Variants in MGAT5 observed in about 807,000 individuals in gnomAD.
The protein encoded by MGAT5 is alpha-1,6-mannosylglycoprotein 6-beta-N-acetylglucosaminyltransferase.
A neutral mutation model predicts 94.3 loss-of-function variants in MGAT5; 30 were observed. The ratio of observed to expected loss-of-function variants is 0.32; its 90% CI spans 0.24 to 0.43. MGAT5 has a LOEUF of 0.43. Among genes scored for constraint, MGAT5 ranks in the 20% least tolerant of loss-of-function variants. The pLI, the probability that MGAT5 is intolerant of heterozygous loss-of-function variation, is 1.00. For missense variants in MGAT5, 691 were observed against 905.5 expected (o/e 0.76, Z 3.04); for synonymous variants, 310 against 322.9 (o/e 0.96, Z 0.43).
At chr2:134,327,640 TG>T (rs1216530396) in intron 4 of MGAT5, among the ~76,000 whole-genome samples, 1 of 152,158 alleles carries the variant, frequency 6.6e-6, no homozygotes, top group Non-Finnish European at 1.5e-5. Flanking sequence ...TGTTTATTTC[TG>T]GAATTTTTTA....
chr2:134,377,555 A>G lies in MGAT5; in HGVS notation c.1380+15147A>G, dbSNP rs551932072. On this transcript the variant is annotated intron_variant, in intron 10 of 15. Coordinates refer to ENST00000281923, the MANE Select transcript of MGAT5 (RefSeq NM_002410.5). ...GAGTACATGATTCTAGTAACAAGGT[A>G]GAAAGGAAGAAAAATAAGTTTTATG... Among the ~76,000 whole-genome samples the G allele has an allele frequency of 3.3e-5, 5 of 152,354 alleles. No homozygotes were observed. In the South Asian group the frequency reaches 6.2e-4, roughly 19 times the overall value.
At chr2:134,441,941 G>T (rs759991008) in intron 15 of MGAT5, 26 bp downstream of exon 15, 3 of 1,606,024 alleles carry the variant, frequency 1.9e-6, no homozygotes, top group Non-Finnish European at 2.6e-6. Context: ...TGGGGGTGGG[G>T]ACTCAGCCCC....
At chr2:134,274,066 A>G (rs1684195508) in intron 2 of MGAT5, among the ~76,000 whole-genome samples, 2 of 152,160 alleles carry the variant, frequency 1.3e-5, no homozygotes, top group African/African-American at 4.8e-5. Flanking sequence ...AGCGAATAGG[A>G]TTGGATCTGT....
intron 10 of MGAT5, among the ~76,000 whole-genome samples, chr2:134,369,445 G>A (rs1680642830): frequency 6.6e-6 from 1 of 152,176 alleles, no homozygotes; most frequent in African/African-American, 2.4e-5. Flanking sequence ...GCTGTCATAT[G>A]ATTGGGACAG....
At chr2:134,296,114 A>T (rs935091807) in intron 2 of MGAT5, among the ~76,000 whole-genome samples, 5 of 152,108 alleles carry the variant, frequency 3.3e-5, no homozygotes, top group Admixed American at 2.6e-4. Context: ...AAAGAGGAGG[A>T]TGGGAAACAG....
chr2:134,228,126 A>C (rs1681160725), intron 1 of MGAT5, among the ~76,000 whole-genome samples: 1 of 152,192 alleles, frequency 6.6e-6, no homozygotes, highest in Non-Finnish European at 1.5e-5. Context: ...ATAGTTTCAG[A>C]AGGTCACAGC....
intron 2 of MGAT5, among the ~76,000 whole-genome samples, chr2:134,293,651 G>A (rs1007312910): frequency 6.6e-6 from 1 of 151,940 alleles, no homozygotes; most frequent in Non-Finnish European, 1.5e-5. Context: ...TGTATTTTTC[G>A]TAGAGATGAG....
chr2:134,173,875 T>C (rs1688337102), intron 1 of MGAT5, among the ~76,000 whole-genome samples: 1 of 152,278 alleles, frequency 6.6e-6, no homozygotes, highest in African/African-American at 2.4e-5. Context: ...ACGTGGCCTC[T>C]ACACGCTTTC....
At chr2:134,329,137 TA>T (rs2105944683) in intron 4 of MGAT5, among the ~76,000 whole-genome samples, 1 of 152,242 alleles carries the variant, frequency 6.6e-6, no homozygotes, top group East Asian at 1.9e-4. Flanking sequence ...TTCTTTTCCC[TA>T]AATCTGGCAA....
intron 1 of MGAT5, among the ~76,000 whole-genome samples, chr2:134,190,051 A>C (rs979269176): frequency 2.8e-4 from 42 of 152,222 alleles, no homozygotes; most frequent in African/African-American, 9.6e-4. Context: ...CTTTTCTGTG[A>C]CATTCTTTGG....
At chr2:134,151,541 CTCAT>C (rs201077376) in intron 1 of MGAT5, among the ~76,000 whole-genome samples, 1 of 142,860 alleles carries the variant, frequency 7.0e-6, no homozygotes, top group East Asian at 2.2e-4. Flanking sequence ...ACCTCACTCA[CTCAT>C]GCCCTGTGGG....
At chr2:134,124,335 G>A (rs1429635751) in intron 1 of MGAT5, among the ~76,000 whole-genome samples, 3 of 152,178 alleles carry the variant, frequency 2.0e-5, no homozygotes, top group Admixed American at 1.3e-4. Context: ...ACAATTAAGT[G>A]CATCCTTCCC....
Position 134,441,911 on chromosome 2 carries a change from C to G in MGAT5, c.2023C>G (p.Leu675Val). The change falls in exon 15 of 16, where the codon CTG (leucine) becomes GTG (valine). Residue 675 changes from leucine (L) to valine (V), a missense_variant. Around this residue, in one of 4 missense-constraint regions of MGAT5, gnomAD observed 260 missense variants for 347.0 expected, o/e 0.75. Coordinates refer to ENST00000281923, the MANE Select transcript of MGAT5 (RefSeq NM_002410.5). ...FQHLNKDKDMLKYKVTCQSSE... is the reference protein window; with the variant it reads ...FQHLNKDKDMVKYKVTCQSSE... ...GCACCTCAACAAGGACAAGGACATG[C>G]TGAAGTAAGTGCCCTGGGGTGGGGG... is the stretch of plus-strand genomic sequence containing the variant. The G allele has an allele frequency of 6.2e-7, 1 of 1,612,334 alleles. No homozygotes were observed. The highest frequency in any genetic ancestry group is 8.5e-7 in the Non-Finnish European group (1 of 1,178,830).
chr2:134,199,159 T>C (rs1166859069), intron 1 of MGAT5, among the ~76,000 whole-genome samples: 1 of 152,246 alleles, frequency 6.6e-6, no homozygotes, highest in East Asian at 1.9e-4. Context: ...TGCTATTTCT[T>C]GGGGAAATCT....
chr2:134,257,801 G>A (rs1007913859), intron 1 of MGAT5, among the ~76,000 whole-genome samples: 3 of 148,622 alleles, frequency 2.0e-5, no homozygotes, highest in African/African-American at 7.4e-5. Flanking sequence ...TGGCAGAACA[G>A]TGATGTGGAT....
At chr2:134,175,261 G>A (rs1213290561) in intron 1 of MGAT5, among the ~76,000 whole-genome samples, 2 of 152,242 alleles carry the variant, frequency 1.3e-5, no homozygotes, top group Non-Finnish European at 2.9e-5. Context: ...AGTACAGAGA[G>A]TGAATAGGGC....
intron 4 of MGAT5, among the ~76,000 whole-genome samples, chr2:134,333,602 AAAAG>A (rs1184828554): frequency 6.6e-6 from 1 of 152,050 alleles, no homozygotes; most frequent in Non-Finnish European, 1.5e-5. Context: ...AAAATAAAAA[AAAAG>A]AAGGTGGTGG....
rs373377770 is a variant in MGAT5 at position 134,145,214 on chromosome 2, C to CTCTG, written c.-143+24924_-143+24925insCTGT. On this transcript the variant is annotated intron_variant, in intron 1 of 16. Coordinates refer to the MGAT5 transcript ENST00000409645. ...GTAAGGTGTGTGTGTGTCTCTCTCTCTGTGTGTGTGTGTGTGTGTGTGTGT... is the reference window on the plus strand; with the variant it reads ...GTAAGGTGTGTGTGTGTCTCTCTCTCTCTGTGTGTGTGTGTGTGTGTGTGTGTGT... Among the ~76,000 whole-genome samples, 56 of 143,870 alleles carry CTCTG rather than the reference C, an allele frequency of 3.9e-4. No individual in the cohort carries two copies. In the East Asian group the frequency reaches 6.3e-3, roughly 16 times the overall value. The allele number at this position is 143,870 out of a possible 152,430, so 94.4% of individuals were successfully genotyped here.
At chr2:134,418,356 C>T (rs1351582406) in intron 12 of MGAT5, among the ~76,000 whole-genome samples, 1 of 152,172 alleles carries the variant, frequency 6.6e-6, no homozygotes, top group Non-Finnish European at 1.5e-5. Context: ...GATGATTCCA[C>T]CAGCCCTTAA....
Sources: allele counts gnomAD v4.1 joint callset (sites outside exome capture counted in the v4.1 genomes callset), GRCh38; gene constraint gnomAD v4.1.1; regional missense constraint gnomAD v4.1.1; transcripts MANE v1.5; gene names NCBI Gene and HGNC (gene_info 2026-07-23, HGNC 2026-07-21).